Variants in CSMD3 observed in about 807,000 individuals in gnomAD.
The protein encoded by CSMD3 is CUB and sushi domain-containing protein 3.
In CSMD3, 177 loss-of-function variants were observed where a neutral mutation model predicts 435.2. That is an observed-to-expected ratio of 0.41 (90% CI 0.36 to 0.46). The LOEUF (loss-of-function observed/expected upper bound fraction) is 0.46, where lower values mean the gene tolerates loss of function less well. Ranked by LOEUF, CSMD3 falls within the 20% of genes least tolerant of loss-of-function variation. The pLI is 0.34. For missense variants in CSMD3, 4,265 were observed against 4,504.6 expected (o/e 0.95, Z 1.52); for synonymous variants, 1,656 against 1,520.5 (o/e 1.09, Z -2.07).
intron 44 of CSMD3, 118 bp downstream of exon 44, chr8:112,336,534 C>T: frequency 1.2e-6 from 1 of 821,670 alleles, no homozygotes; most frequent in Non-Finnish European, 2.0e-6. Context: ...CTCAGTTACT[C>T]ACATCAATTC....
chr8:113,038,613 G>T (rs2131274528), intron 5 of CSMD3, among the ~76,000 whole-genome samples: 1 of 152,252 alleles, frequency 6.6e-6, no homozygotes, highest in African/African-American at 2.4e-5. Context: ...GGAAAATATT[G>T]TGACAAGTTG....
chr8:112,613,262 A>G (rs1224191232), intron 22 of CSMD3, among the ~76,000 whole-genome samples: 1 of 151,896 alleles, frequency 6.6e-6, no homozygotes, highest in Non-Finnish European at 1.5e-5. Context: ...CCCTACTGTT[A>G]TTATTACAAT....
chr8:112,242,280 C>T (rs940384206), intron 65 of CSMD3, among the ~76,000 whole-genome samples: 3 of 151,982 alleles, frequency 2.0e-5, no homozygotes, highest in Non-Finnish European at 4.4e-5. Flanking sequence ...CAAAGGTAGT[C>T]CAAAACCAAA....
At chr8:112,449,805 C>A (rs1816053087) in intron 32 of CSMD3, among the ~76,000 whole-genome samples, 1 of 152,148 alleles carries the variant, frequency 6.6e-6, no homozygotes, top group African/African-American at 2.4e-5. Flanking sequence ...TCACTGCATC[C>A]TCCGCCTCCT....
chr8:113,393,030 A>G (rs1588652908), intron 1 of CSMD3, among the ~76,000 whole-genome samples: 1 of 151,550 alleles, frequency 6.6e-6, no homozygotes, highest in Non-Finnish European at 1.5e-5. Flanking sequence ...TATATATAAA[A>G]CCATGTATGT....
intron 55 of CSMD3, among the ~76,000 whole-genome samples, chr8:112,291,946 C>T (rs773369293): frequency 1.4e-4 from 21 of 151,800 alleles, no homozygotes; most frequent in African/African-American, 4.8e-4. Flanking sequence ...GCGCTAAGTA[C>T]GAATTTTAAA....
intron 32 of CSMD3, among the ~76,000 whole-genome samples, chr8:112,410,495 AATAT>A (rs4029455): frequency 0.037 from 4,590 of 122,668 alleles, 232 homozygotes; most frequent in African/African-American, 0.12. Flanking sequence ...AAATACTCCA[AATAT>A]ATATATATAT....
intron 10 of CSMD3, among the ~76,000 whole-genome samples, chr8:112,877,459 G>T (rs1205993957): frequency 6.6e-6 from 1 of 151,832 alleles, no homozygotes; most frequent in Non-Finnish European, 1.5e-5. Context: ...GTAGAAAAGG[G>T]GTTTCACCAT....
chr8:113,140,950 A>T (rs1437691351), intron 4 of CSMD3, among the ~76,000 whole-genome samples: 4 of 151,000 alleles, frequency 2.6e-5, no homozygotes, highest in East Asian at 1.9e-4. Context: ...AAGGATTTTT[A>T]AAAAATCAAT....
In CSMD3 at chr8:112,908,383, C is replaced by T. The variant is rs530474431; in HGVS notation, c.1633+13244G>A. Among the ~76,000 whole-genome samples, 3 of 151,606 alleles carry T rather than the reference C, an allele frequency of 2.0e-5. No individual in the cohort carries two copies. In the South Asian group the frequency reaches 6.2e-4, roughly 31 times the overall value. ...GTTCTTTATGACTCTAGTCATTTAG[C>T]ACTTGAAAGTAAGAGTGGCTTATAT... On this transcript the variant is annotated intron_variant, in intron 10 of 70. Transcript: ENST00000297405.
intron 3 of CSMD3, among the ~76,000 whole-genome samples, chr8:113,193,548 T>C (rs2092614508): frequency 6.6e-6 from 1 of 151,430 alleles, no homozygotes; most frequent in Non-Finnish European, 1.5e-5. Context: ...CAAAGTACTG[T>C]TTGATTTTAA....
rs748564573 is a variant in CSMD3 at position 112,291,521 on chromosome 8, G to A, written c.8963C>T (p.Pro2988Leu). 21 of 1,602,792 alleles carry A rather than the reference G, an allele frequency of 1.3e-5. No homozygotes were observed. Among genetic ancestry groups the A allele is most frequent in the Admixed American group, 1.7e-5 (1 of 59,708 alleles). ...QPNGQWDKPL[P>L]ECIMIDCGHP... Reference sequence around the variant, plus strand: ...CATTATCTACTTACTGATACATTCTGGTAAAGGTTTGTCCCATTGTCCATT... The same window carrying A: ...CATTATCTACTTACTGATACATTCTAGTAAAGGTTTGTCCCATTGTCCATT... The change falls in exon 56 of 71, where the codon CCA becomes CTA. Residue 2988 changes from proline (P) to leucine (L), a missense_variant. Physicochemically the swap from Pro to Leu is moderately conservative, Grantham distance 98 (BLOSUM62 -3). Transcript: ENST00000297405.
chr8:112,842,933 T>C (rs9283945), intron 11 of CSMD3, among the ~76,000 whole-genome samples: 7,797 of 151,868 alleles, frequency 0.051, 664 homozygotes, highest in African/African-American at 0.18. Flanking sequence ...GATGTTAAAA[T>C]GAATCTGCCT....
chr8:112,814,518 C>T (rs2079317525), intron 12 of CSMD3, among the ~76,000 whole-genome samples: 1 of 152,152 alleles, frequency 6.6e-6, no homozygotes, highest in Non-Finnish European at 1.5e-5. Flanking sequence ...TGCAGTGGCT[C>T]ATGCCTGTAA....
At chr8:112,664,678 A>G (rs894012214) in intron 17 of CSMD3, among the ~76,000 whole-genome samples, 26 of 152,134 alleles carry the variant, frequency 1.7e-4, no homozygotes, top group Non-Finnish European at 2.2e-4. Context: ...TTAAAAGGGT[A>G]ATTAAGGTAA....
intron 16 of CSMD3, among the ~76,000 whole-genome samples, chr8:112,673,537 A>G (rs531838813): frequency 1.3e-4 from 20 of 152,260 alleles, no homozygotes; most frequent in Middle Eastern, 3.4e-3. Flanking sequence ...TAAATGTGTG[A>G]ATACATATCT....
At chr8:112,599,962 A>T (rs1035171501) in intron 22 of CSMD3, among the ~76,000 whole-genome samples, 2 of 150,280 alleles carry the variant, frequency 1.3e-5, no homozygotes, top group African/African-American at 4.9e-5. Context: ...TGGCACATGT[A>T]TACACATGTA....
At position 113,063,139 on chromosome 8, in the gene CSMD3, T is replaced by TTC. The variant is rs1346344453; in HGVS notation, c.917+35616_917+35617insGA. On this transcript the variant is annotated intron_variant, in intron 5 of 70. Transcript: ENST00000297405. ...TTTACATTTGAAGTTTTCCTTCATT[T>TTC]TACTGGTAAAGCATCCAGCTAGAAA... Among the ~76,000 whole-genome samples, 3 of 151,742 alleles carry TTC rather than the reference T, an allele frequency of 2.0e-5. No homozygotes were observed. In the East Asian group the frequency reaches 5.8e-4, roughly 29 times the overall value.
chr8:113,119,698 T>C (rs922832210), intron 4 of CSMD3, among the ~76,000 whole-genome samples: 1 of 152,142 alleles, frequency 6.6e-6, no homozygotes, highest in African/African-American at 2.4e-5. Flanking sequence ...TTATCTTCTA[T>C]ATTTGAATTT....
Sources: gnomAD v4.1 joint callset for allele counts (sites outside exome capture counted in the v4.1 genomes callset) on GRCh38, gnomAD v4.1.1 for gene constraint, MANE v1.5 for transcripts, NCBI Gene and HGNC (gene_info 2026-07-23, HGNC 2026-07-21) for gene names.